Variants in NELL1 observed in about 807,000 individuals in gnomAD.
NELL1 encodes the protein neural EGFL like 1, also known as protein kinase C-binding protein NELL1.
Under a neutral mutation model 107.4 loss-of-function variants are expected in NELL1, and 76 were observed. The observed-to-expected ratio is 0.71, with a 90% CI of 0.59 to 0.86. The LOEUF (loss-of-function observed/expected upper bound fraction) is 0.86. NELL1 is among the 40% of genes least tolerant of loss of function. NELL1 has a pLI of 0.00. For missense variants in NELL1, 1,024 were observed against 1,005.5 expected, an observed-to-expected ratio of 1.02 and a Z score of -0.25; for synonymous variants, 353 against 341.2, an observed-to-expected ratio of 1.03 and a Z score of -0.38.
chr11:20,686,136 T>C (rs1377539380), intron 2 of NELL1, among the ~76,000 whole-genome samples: 1 of 152,144 alleles, frequency 6.6e-6, no homozygotes, highest in South Asian at 2.1e-4. Flanking sequence ...TCTCCTAATA[T>C]TTCACCATCT....
chr11:20,677,792 C>G, intron 1 of NELL1, 140 bp from the exon 2 acceptor site: 1 of 967,484 alleles, frequency 1.0e-6, no homozygotes, highest in Admixed American at 2.2e-5. Flanking sequence ...ATTTGCTTTT[C>G]TTTTCCCTCC....
chr11:21,375,559 T>C (rs1851454860), intron 15 of NELL1, among the ~76,000 whole-genome samples: 2 of 152,172 alleles, frequency 1.3e-5, no homozygotes. Flanking sequence ...TGTTTTATTT[T>C]GGGTATATAT....
chr11:20,829,310 T>C (rs1346827865), intron 3 of NELL1, among the ~76,000 whole-genome samples: 1 of 141,770 alleles, frequency 7.1e-6, no homozygotes, highest in African/African-American at 2.7e-5. Context: ...CACTGCAACC[T>C]CCACCTCTCA....
chr11:20,831,625 GA>G (rs1380953490), intron 3 of NELL1, among the ~76,000 whole-genome samples: 4 of 152,144 alleles, frequency 2.6e-5, no homozygotes, highest in Non-Finnish European at 4.4e-5. Flanking sequence ...GGGTTTTATT[GA>G]CAGTGAGAGA....
At chr11:20,833,648 T>A (rs1341440874) in intron 3 of NELL1, among the ~76,000 whole-genome samples, 3 of 152,106 alleles carry the variant, frequency 2.0e-5, no homozygotes, top group Non-Finnish European at 4.4e-5. Context: ...CAGAGATAGC[T>A]GTGAAGGAAA....
chr11:21,099,054 T>C (rs928332485), intron 12 of NELL1, among the ~76,000 whole-genome samples: 1 of 152,146 alleles, frequency 6.6e-6, no homozygotes, highest in African/African-American at 2.4e-5. Flanking sequence ...ATCTTTGTTA[T>C]CAGCCTTTTA....
At chr11:20,884,514 G>C (rs1471811900) in intron 4 of NELL1, among the ~76,000 whole-genome samples, 3 of 6,224 alleles carry the variant, frequency 4.8e-4, no homozygotes, top group African/African-American at 1.6e-3. Flanking sequence ...AGAGGTACTT[G>C]CCCGGGGTGA....
rs549787726 is a variant in NELL1, at chr11:21,515,003, C to T, written c.1646-19371C>T. ...GGTTTCTTATAGCTTGCAGGTAGGG[C>T]GGGTAGGTGGTAAAATTGAGGGTAA... is the stretch of plus-strand genomic sequence containing the variant. On this transcript the variant is annotated intron_variant, in intron 15 of 19. Coordinates refer to ENST00000357134, the MANE Select transcript of NELL1 (RefSeq NM_006157.5). Among the ~76,000 whole-genome samples, 6 of 152,044 alleles carry T rather than the reference C, an allele frequency of 3.9e-5. No homozygotes were observed. The East Asian group carries it at 7.8e-4, about 20-fold the overall frequency.
chr11:21,433,531 A>G (rs192631509), intron 15 of NELL1, among the ~76,000 whole-genome samples: 305 of 152,270 alleles, frequency 2.0e-3, no homozygotes, highest in African/African-American at 6.8e-3. Context: ...TGCACCGTCA[A>G]CAGTATACGT....
intron 15 of NELL1, among the ~76,000 whole-genome samples, chr11:21,466,345 G>T (rs946084043): frequency 2.6e-5 from 4 of 152,092 alleles, no homozygotes; most frequent in African/African-American, 9.7e-5. Context: ...GTGGGCATCA[G>T]TCAGGACAAG....
chr11:20,954,985 G>A (rs1329322655), intron 11 of NELL1, among the ~76,000 whole-genome samples: 1 of 152,160 alleles, frequency 6.6e-6, no homozygotes, highest in African/African-American at 2.4e-5. Flanking sequence ...CAAGGAATAC[G>A]TGTGATAAAG....
chr11:21,181,877 G>A (rs919411771), intron 13 of NELL1, among the ~76,000 whole-genome samples: 7 of 151,730 alleles, frequency 4.6e-5, no homozygotes, highest in African/African-American at 1.7e-4. Context: ...GAGTATATGT[G>A]GTTCACTCTG....
chr11:21,479,982 TCTA>T (rs1413833550), intron 15 of NELL1, among the ~76,000 whole-genome samples: 3 of 152,184 alleles, frequency 2.0e-5, no homozygotes, highest in Non-Finnish European at 4.4e-5. Flanking sequence ...GTGACTCTGC[TCTA>T]CTTTCCTTTC....
intron 3 of NELL1, among the ~76,000 whole-genome samples, chr11:20,838,648 T>C (rs189176458): frequency 5.3e-4 from 80 of 152,226 alleles, no homozygotes; most frequent in Admixed American, 4.3e-3. Context: ...TTTATAGATA[T>C]ATCAGTTTAT....
rs149501180 is a variant in NELL1, at chr11:21,357,615, T to C, written c.1550-13238T>C. Among the ~76,000 whole-genome samples, 427 of 152,248 alleles carry C rather than the reference T, an allele frequency of 2.8e-3. 4 individuals are homozygous for C. Among genetic ancestry groups the C allele is most frequent in the African/African-American group, 9.8e-3 (408 of 41,566 alleles). On this transcript the variant is annotated intron_variant, in intron 14 of 19. Coordinates refer to ENST00000357134, the MANE Select transcript of NELL1 (RefSeq NM_006157.5). ...TTCTGTGGGTTGTCTGTTTGCTGAT[T>C]ATTTCTTTTGCTGTGCAGAAGCTTT...
chr11:20,960,025 A>C (rs759357597), intron 11 of NELL1, among the ~76,000 whole-genome samples: 2 of 152,154 alleles, frequency 1.3e-5, no homozygotes, highest in African/African-American at 2.4e-5. Flanking sequence ...GGGAGGTACA[A>C]TTAAGGAGTT....
intron 15 of NELL1, among the ~76,000 whole-genome samples, chr11:21,518,952 A>G (rs1161134487): frequency 6.6e-6 from 1 of 152,204 alleles, no homozygotes; most frequent in African/African-American, 2.4e-5. Context: ...CTCTCATGAC[A>G]TGAATTCTGG....
rs114389932 is a variant in NELL1 at position 21,374,506 on chromosome 11, T to C, written c.1645+3558T>C. Among the ~76,000 whole-genome samples, 190 of 152,194 alleles carry C rather than the reference T, an allele frequency of 1.2e-3. 1 individual carries two copies. The highest frequency in any genetic ancestry group is 4.4e-3 in the African/African-American group (181 of 41,554). ...GCAAGGAGGAAGCTGTAATGCTTTTTGTGACTCAATCAAATGCTGTTCACG... is the reference window on the plus strand; with the variant it reads ...GCAAGGAGGAAGCTGTAATGCTTTTCGTGACTCAATCAAATGCTGTTCACG... On this transcript the variant is annotated intron_variant, in intron 15 of 19. Transcript: ENST00000357134.
intron 12 of NELL1, among the ~76,000 whole-genome samples, chr11:21,022,014 C>T (rs1233239773): frequency 3.3e-5 from 5 of 152,194 alleles, no homozygotes; most frequent in Non-Finnish European, 5.9e-5. Flanking sequence ...CCTCTTCCCA[C>T]TAGATGCCAG....
Sources: gnomAD v4.1 joint callset for allele counts (sites outside exome capture counted in the v4.1 genomes callset) on GRCh38, gnomAD v4.1.1 for gene constraint, MANE v1.5 for transcripts, NCBI Gene and HGNC (gene_info 2026-07-23, HGNC 2026-07-21) for gene names.